WDPCP: variants seen among roughly 807,000 people sequenced by gnomAD.
The protein encoded by WDPCP is WD repeat containing planar cell polarity effector.
A neutral mutation model predicts 93.1 loss-of-function variants in WDPCP; 71 were observed. The observed-to-expected ratio is 0.76, with a 90% CI of 0.63 to 0.93. The LOEUF is 0.93. Among genes scored for constraint, WDPCP ranks in the 40% least tolerant of loss-of-function variants. The probability of loss-of-function intolerance (pLI) is 0.00; values close to 1 mark genes in which losing one functional copy is unlikely to be tolerated. For synonymous variants in WDPCP, 315 were observed against 315.0 expected (o/e 1.00, Z 0.00); for missense variants, 844 against 887.4 (o/e 0.95, Z 0.62).
chr2:63,190,138 A>G (rs555660890), intron 14 of WDPCP, among the ~76,000 whole-genome samples: 44 of 152,280 alleles, frequency 2.9e-4, no homozygotes, highest in African/African-American at 7.9e-4. Flanking sequence ...ACATAGAAGT[A>G]GAGAAGAGGC....
chr2:63,805,329 T>C (rs957897611), intron 2 of WDPCP, among the ~76,000 whole-genome samples: 2 of 152,182 alleles, frequency 1.3e-5, no homozygotes, highest in African/African-American at 4.8e-5. Context: ...GAGGTCAAAA[T>C]GTCACTTTTA....
chr2:63,691,176 A>C (rs1168363104), intron 2 of WDPCP, among the ~76,000 whole-genome samples: 3 of 152,180 alleles, frequency 2.0e-5, no homozygotes, highest in Admixed American at 6.5e-5. Context: ...GAACCAGGAA[A>C]TTTGGGGGAT....
At chr2:63,767,025 C>T (rs187624369) in intron 2 of WDPCP, among the ~76,000 whole-genome samples, 90 of 152,206 alleles carry the variant, frequency 5.9e-4, no homozygotes, top group African/African-American at 1.9e-3. Flanking sequence ...CATCCCCAGA[C>T]AACCACTGAT....
intron 14 of WDPCP, among the ~76,000 whole-genome samples, chr2:63,194,550 T>G (rs1286169443): frequency 3.9e-5 from 6 of 152,170 alleles, no homozygotes; most frequent in African/African-American, 1.4e-4. Flanking sequence ...TGTGTTATAT[T>G]TATGTACAAA....
chr2:63,840,795 G>A, the WDPCP span: 22 of 152,672 alleles, frequency 1.4e-4, no homozygotes, highest in African/African-American at 5.3e-4. Flanking sequence ...CGTAAGTGCT[G>A]CTCCCACGCG....
At chr2:63,262,177 T>C (rs1179999528) in intron 13 of WDPCP, among the ~76,000 whole-genome samples, 1 of 152,194 alleles carries the variant, frequency 6.6e-6, no homozygotes, top group Non-Finnish European at 1.5e-5. Context: ...ACTGGCCTTA[T>C]AAAATGAGTT....
At chr2:63,526,187 T>C (rs1175088329) in intron 1 of WDPCP, among the ~76,000 whole-genome samples, 2 of 152,322 alleles carry the variant, frequency 1.3e-5, no homozygotes, top group East Asian at 1.9e-4. Context: ...CAGATCCCTA[T>C]AACCAAGTCT....
upstream of WDPCP, chr2:63,588,850 T>C (rs902404315): frequency 5.1e-6 from 3 of 593,762 alleles, no homozygotes; most frequent in Admixed American, 8.4e-5. Context: ...GTTCAACACT[T>C]GAAGGAAATG....
In WDPCP at chr2:63,607,111, T is replaced by G. The variant is rs951663652; in HGVS notation, n.488+43548A>C. 3.2e-6 allele frequency: 3 copies of G among 951,428 alleles called. No individual in the cohort carries two copies. In the Admixed American group the frequency reaches 8.6e-5, roughly 27 times the overall value. The allele number at this position is 951,428 out of a possible 1,614,324, so 58.9% of individuals were successfully genotyped here. A position where few individuals can be genotyped will look rare whatever the true frequency, so the allele number is the denominator to read the frequency against. ...GTGAAAAACAACACATTTTAAAGAT[T>G]ACGTGCTTCTTGGTACAGGTTTGTG... On this transcript the variant is annotated intron_variant and non_coding_transcript_variant, in intron 3 of 4. Transcript: ENST00000467687.
chr2:63,308,668 T>C (rs1359753500), intron 13 of WDPCP, among the ~76,000 whole-genome samples: 1 of 152,036 alleles, frequency 6.6e-6, no homozygotes, highest in Non-Finnish European at 1.5e-5. Flanking sequence ...GCACATGTTC[T>C]CACTCATAAG....
chr2:63,771,619 T>C lies in WDPCP; in HGVS notation n.308+42003A>G, dbSNP rs148744917. ...GGTTAATTGTTATATTGCATGATGC[T>C]GAGGTTTGGGGTACAATTGATCCTG... is the stretch of plus-strand genomic sequence containing the variant. On this transcript the variant is annotated intron_variant and non_coding_transcript_variant, in intron 2 of 4. Coordinates refer to the WDPCP transcript ENST00000467687. Among the ~76,000 whole-genome samples the C allele has an allele frequency of 1.3e-4, 20 of 152,092 alleles. No individual in the cohort carries two copies. In the East Asian group the frequency reaches 3.9e-3, roughly 29 times the overall value.
At chr2:63,696,742 C>G (rs1376990360) in intron 2 of WDPCP, among the ~76,000 whole-genome samples, 1 of 152,212 alleles carries the variant, frequency 6.6e-6, no homozygotes, top group Non-Finnish European at 1.5e-5. Context: ...TGACCAGAAT[C>G]TTAGGTTAGG....
chr2:63,126,947 C>T (rs186227993), intron 17 of WDPCP, among the ~76,000 whole-genome samples: 2 of 151,960 alleles, frequency 1.3e-5, no homozygotes, highest in East Asian at 1.9e-4. Context: ...CCTCCCAAAT[C>T]ACTAGGATTA....
chr2:63,214,431 G>A (rs1040468562), intron 14 of WDPCP, among the ~76,000 whole-genome samples: 9 of 152,114 alleles, frequency 5.9e-5, no homozygotes, highest in African/African-American at 1.7e-4. Context: ...AGTGCTTCAC[G>A]CTAAAAACTC....
chr2:63,148,442 C>T (rs909782858), intron 17 of WDPCP, among the ~76,000 whole-genome samples: 12 of 152,146 alleles, frequency 7.9e-5, no homozygotes, highest in Admixed American at 5.2e-4. Flanking sequence ...TGGGTTGAAA[C>T]GATTCTTGTG....
At chr2:63,808,814 C>T (rs1432354126) in intron 2 of WDPCP, among the ~76,000 whole-genome samples, 7 of 151,060 alleles carry the variant, frequency 4.6e-5, no homozygotes, top group East Asian at 2.0e-4. Flanking sequence ...TCGTCTGGGA[C>T]ATGAGGAGCC....
At chr2:63,768,615 G>C (rs915838577) in intron 2 of WDPCP, among the ~76,000 whole-genome samples, 2 of 151,982 alleles carry the variant, frequency 1.3e-5, no homozygotes, top group Non-Finnish European at 2.9e-5. Flanking sequence ...TTAATGTACA[G>C]CCAGAGTTGT....
intron 17 of WDPCP, among the ~76,000 whole-genome samples, chr2:63,134,341 C>G (rs1670475582): frequency 6.6e-6 from 1 of 152,096 alleles, no homozygotes; most frequent in South Asian, 2.1e-4. Context: ...CTTTCCTGCT[C>G]CAATATAATA....
At chr2:63,469,287 T>A (rs980077812) in intron 6 of WDPCP, among the ~76,000 whole-genome samples, 1 of 152,214 alleles carries the variant, frequency 6.6e-6, no homozygotes, top group African/African-American at 2.4e-5. Flanking sequence ...GAAAGCAGTG[T>A]GGAGATTCCT....
Sources: gnomAD v4.1 joint callset for allele counts (sites outside exome capture counted in the v4.1 genomes callset) on GRCh38, gnomAD v4.1.1 for gene constraint, MANE v1.5 for transcripts, NCBI Gene and HGNC (gene_info 2026-07-23, HGNC 2026-07-21) for gene names.